Variants in CAP2 observed in about 807,000 individuals in gnomAD.
CAP2 encodes cyclase associated actin cytoskeleton regulatory protein 2.
A neutral mutation model predicts 57.7 loss-of-function variants in CAP2; 24 were observed. That is an observed-to-expected ratio of 0.42 (90% CI 0.30 to 0.58). The LOEUF is 0.58. CAP2 is among the 20% of genes least tolerant of loss of function. CAP2 has a pLI of 0.22. For synonymous variants in CAP2, 194 were observed against 207.2 expected (o/e 0.94, Z 0.55); for missense variants, 501 against 590.3 (o/e 0.85, Z 1.57).
chr6:17,510,491 T>C (rs1044292812), intron 6 of CAP2, among the ~76,000 whole-genome samples: 3 of 152,228 alleles, frequency 2.0e-5, no homozygotes, highest in Non-Finnish European at 4.4e-5. Context: ...TTAGGGGCTC[T>C]GCCCACCCCG....
rs1762199016 is a variant in CAP2, at chr6:17,513,234, C to G, written c.531-615C>G. Among the ~76,000 whole-genome samples the G allele has an allele frequency of 6.6e-6, 1 of 152,028 alleles. No homozygotes were observed. The highest frequency in any genetic ancestry group is 1.5e-5 in the Non-Finnish European group (1 of 68,020). ...TGATGCCTTGCCTGGTTTGTATTGT[C>G]ATTCAAAGTATTAAATTAAGGGAAT... is the stretch of plus-strand genomic sequence containing the variant. On this transcript the variant is annotated intron_variant, in intron 6 of 12. Transcript: ENST00000229922. The surrounding 1 kb of genome is among the most constrained non-coding windows in gnomAD (Gnocchi z 4.3).
At chr6:17,491,609 AC>A (rs1457077858) in intron 4 of CAP2, among the ~76,000 whole-genome samples, 1 of 152,168 alleles carries the variant, frequency 6.6e-6, no homozygotes, top group East Asian at 1.9e-4. Flanking sequence ...TACGGTTTAA[AC>A]CCAGATGTTT....
At chr6:17,469,795 C>A (rs1042635763) in intron 4 of CAP2, among the ~76,000 whole-genome samples, 1 of 152,134 alleles carries the variant, frequency 6.6e-6, no homozygotes, top group Non-Finnish European at 1.5e-5. Flanking sequence ...TTGGCCGTTC[C>A]TCCATCTCTG....
intron 3 of CAP2, among the ~76,000 whole-genome samples, chr6:17,450,329 C>G (rs1760371305): frequency 6.6e-6 from 1 of 152,168 alleles, no homozygotes; most frequent in Admixed American, 6.5e-5. Flanking sequence ...GAAATACAGG[C>G]GTGAGCCACC....
chr6:17,434,894 A>C (rs1759831247), intron 3 of CAP2, among the ~76,000 whole-genome samples: 1 of 149,726 alleles, frequency 6.7e-6, no homozygotes, highest in Non-Finnish European at 1.5e-5. Flanking sequence ...ACTTCTCAAA[A>C]GAAGACATTT....
In CAP2 at chr6:17,513,761, C is replaced by A; in HGVS notation, c.531-88C>A. 1.2e-6 allele frequency: 1 copy of A among 834,926 alleles called. No individual in the cohort carries two copies. Among genetic ancestry groups the A allele is most frequent in the South Asian group, 1.5e-5 (1 of 66,886 alleles). 51.7% of individuals were successfully genotyped at this position (834,926 alleles called of 1,614,324 possible). A position where few individuals can be genotyped will look rare whatever the true frequency, so the allele number is the denominator to read the frequency against. ...TGCTCCGGGCTCCAGGGCCCCTAGT[C>A]ACTAGATAACCATGTGCCCCCACAA... On this transcript the variant is annotated intron_variant, in intron 6 of 12. Coordinates refer to ENST00000229922, the MANE Select transcript of CAP2 (RefSeq NM_006366.3). The surrounding 1 kb of genome is among the most constrained non-coding windows in gnomAD (Gnocchi z 4.3).
intron 3 of CAP2, among the ~76,000 whole-genome samples, chr6:17,448,081 G>A (rs557733381): frequency 8.2e-4 from 125 of 152,328 alleles, no homozygotes; most frequent in Admixed American, 2.0e-3. Context: ...GCGCCACAAG[G>A]CATGTATACA....
At chr6:17,547,063 A>G (rs182888643) in intron 11 of CAP2, among the ~76,000 whole-genome samples, 23 of 152,334 alleles carry the variant, frequency 1.5e-4, no homozygotes, top group Admixed American at 5.2e-4. Flanking sequence ...CCAAATCATG[A>G]GTGAACTCCC....
At chr6:17,478,936 T>C (rs1452625838) in intron 4 of CAP2, among the ~76,000 whole-genome samples, 1 of 152,236 alleles carries the variant, frequency 6.6e-6, no homozygotes, top group African/African-American at 2.4e-5. Context: ...GCTTTCTGTC[T>C]GTTTTACTTC....
chr6:17,553,425 A>G (rs980010776), intron 12 of CAP2, among the ~76,000 whole-genome samples: 1 of 152,132 alleles, frequency 6.6e-6, no homozygotes, highest in Non-Finnish European at 1.5e-5. Flanking sequence ...CGAGCTCAGG[A>G]GATCAAGACC....
At chr6:17,492,423 A>G (rs1474066174) in intron 4 of CAP2, among the ~76,000 whole-genome samples, 1 of 152,222 alleles carries the variant, frequency 6.6e-6, no homozygotes, top group African/African-American at 2.4e-5. Context: ...ATGGAACTGC[A>G]GCTGGCAGGC....
chr6:17,555,175 A>G (rs1763268608), intron 12 of CAP2, among the ~76,000 whole-genome samples: 1 of 152,240 alleles, frequency 6.6e-6, no homozygotes, highest in African/African-American at 2.4e-5. Context: ...CTGCATTTTC[A>G]TAAGATCCTG....
intron 11 of CAP2, among the ~76,000 whole-genome samples, chr6:17,543,345 C>A (rs111548316): frequency 6.6e-6 from 1 of 152,132 alleles, no homozygotes; most frequent in African/African-American, 2.4e-5. Context: ...CAGCCAGTCG[C>A]GGTGGCTCAC....
intron 4 of CAP2, among the ~76,000 whole-genome samples, chr6:17,468,442 C>G (rs1159450146): frequency 1.3e-5 from 2 of 152,212 alleles, no homozygotes; most frequent in African/African-American, 4.8e-5. Flanking sequence ...CATTTTTCTT[C>G]TAGTCTATGC....
intron 3 of CAP2, among the ~76,000 whole-genome samples, chr6:17,437,971 TATTG>T (rs1265953524): frequency 2.6e-5 from 4 of 152,226 alleles, no homozygotes; most frequent in African/African-American, 9.6e-5. Context: ...ATTGGTTTAT[TATTG>T]ATTTGTAGAG....
chr6:17,524,076 A>G (rs1190256977), intron 7 of CAP2, among the ~76,000 whole-genome samples: 2,791 of 28,586 alleles, frequency 0.098, 87 homozygotes, highest in African/African-American at 0.18. Context: ...CTCTGTCTCA[A>G]AAAAAAAAAA....
intron 1 of CAP2, among the ~76,000 whole-genome samples, chr6:17,402,590 A>G (rs1307937103): frequency 6.6e-6 from 1 of 152,256 alleles, no homozygotes; most frequent in Non-Finnish European, 1.5e-5. Flanking sequence ...TTTCAAACTT[A>G]TTTAAAAAAT....
chr6:17,420,830 A>G (rs190401370), intron 1 of CAP2, among the ~76,000 whole-genome samples: 13 of 152,346 alleles, frequency 8.5e-5, no homozygotes, highest in South Asian at 2.1e-4. Flanking sequence ...AATAAGCTCA[A>G]TATAATGCCA....
intron 3 of CAP2, among the ~76,000 whole-genome samples, chr6:17,461,819 C>T (rs1225656730): frequency 3.3e-5 from 5 of 149,294 alleles, no homozygotes; most frequent in East Asian, 4.0e-4. Context: ...TGTGAAACCC[C>T]GTCTCTACTA....
Sources: allele counts gnomAD v4.1 joint callset (sites outside exome capture counted in the v4.1 genomes callset), GRCh38; gene constraint gnomAD v4.1.1; non-coding constraint Gnocchi (gnomAD v3.1); transcripts MANE v1.5; gene names NCBI Gene and HGNC (gene_info 2026-07-23, HGNC 2026-07-21).